PRTFDC1: variants seen among roughly 807,000 people sequenced by gnomAD.
PRTFDC1 encodes the protein phosphoribosyltransferase domain-containing protein 1.
In PRTFDC1, 38 loss-of-function variants were observed where a neutral mutation model predicts 34.6. The ratio of observed to expected loss-of-function variants is 1.10; its 90% CI spans 0.85 to 1.44. The LOEUF (loss-of-function observed/expected upper bound fraction) is 1.44. Among genes scored for constraint, PRTFDC1 ranks in the 40% most tolerant of loss-of-function variants. The pLI, the probability that PRTFDC1 is intolerant of heterozygous loss-of-function variation, is 0.00. For synonymous variants in PRTFDC1, 93 were observed against 98.1 expected, an observed-to-expected ratio of 0.95 and a Z score of 0.31; for missense variants, 270 against 283.0, an observed-to-expected ratio of 0.95 and a Z score of 0.33.
At chr10:24,870,243 G>A (rs145017665) in intron 4 of PRTFDC1, among the ~76,000 whole-genome samples, 2,361 of 152,252 alleles carry the variant, frequency 0.016, 68 homozygotes, top group African/African-American at 0.053. Flanking sequence ...AAGTAGCTGG[G>A]ATTACAGGTG....
At chr10:24,912,179 G>C in intron 3 of PRTFDC1, among the ~76,000 whole-genome samples, 1 of 128,202 alleles carries the variant, frequency 7.8e-6, no homozygotes, top group South Asian at 2.7e-4. Context: ...TGAGGCAGGA[G>C]AATTGCTTGA....
intron 4 of PRTFDC1, among the ~76,000 whole-genome samples, chr10:24,861,221 C>G (rs1847675028): frequency 6.6e-6 from 1 of 152,118 alleles, no homozygotes; most frequent in Non-Finnish European, 1.5e-5. Context: ...TAGATTGAGG[C>G]CAGGCGCCGT....
At chr10:24,939,859 T>C (rs1360798534) in intron 2 of PRTFDC1, among the ~76,000 whole-genome samples, 1 of 146,744 alleles carries the variant, frequency 6.8e-6, no homozygotes, top group Admixed American at 6.8e-5. Context: ...AACAGATAGA[T>C]TAAATGGATG....
At position 24,942,339 on chromosome 10, in the gene PRTFDC1, A is replaced by G; in HGVS notation, c.146T>C (p.Ile49Thr). The G allele has an allele frequency of 6.2e-7, 1 of 1,610,588 alleles. No individual in the cohort carries two copies. The highest frequency in any genetic ancestry group is 8.5e-7 in the Non-Finnish European group (1 of 1,176,710). The change falls in exon 2 of 9, where the codon ATT becomes ACT. Residue 49 changes from isoleucine to threonine, a missense_variant. Transcript: ENST00000320152. Reference protein sequence around the residue: ...LEYVLIPHGIIVDRIERLAKD... With the variant: ...LEYVLIPHGITVDRIERLAKD... ...AGGAAATCACACTCACCTGTCCACA[A>G]TGATACCATGAGGGATGAGGACATA...
At chr10:24,889,316 C>A (rs1458557061) in intron 3 of PRTFDC1, among the ~76,000 whole-genome samples, 1 of 152,024 alleles carries the variant, frequency 6.6e-6, no homozygotes, top group African/African-American at 2.4e-5. Flanking sequence ...TCTGCCAGCG[C>A]CTTGATCTGG....
chr10:24,851,840 A>C (rs577152147), intron 7 of PRTFDC1, among the ~76,000 whole-genome samples: 1 of 151,756 alleles, frequency 6.6e-6, no homozygotes, highest in East Asian at 2.0e-4. Context: ...AACAACACAA[A>C]GGAAAGTTCA....
At chr10:24,876,799 T>C (rs1847973377) in intron 3 of PRTFDC1, among the ~76,000 whole-genome samples, 1 of 152,034 alleles carries the variant, frequency 6.6e-6, no homozygotes, top group African/African-American at 2.4e-5. Flanking sequence ...ACCTCCCACC[T>C]CAGTCTCCCA....
intron 2 of PRTFDC1, among the ~76,000 whole-genome samples, chr10:24,937,590 C>A (rs891422649): frequency 6.9e-6 from 1 of 145,004 alleles, no homozygotes; most frequent in African/African-American, 2.6e-5. Context: ...TGGAGTCTCA[C>A]TCTGTTGCCC....
At chr10:24,859,135 GT>G (rs1297555670) in intron 4 of PRTFDC1, among the ~76,000 whole-genome samples, 1 of 152,284 alleles carries the variant, frequency 6.6e-6, no homozygotes, top group East Asian at 1.9e-4. Context: ...CTCATGAATG[GT>G]TTAGCATCAT....
chr10:24,948,226 C>G (rs767999142), intron 1 of PRTFDC1, among the ~76,000 whole-genome samples: 1 of 152,224 alleles, frequency 6.6e-6, no homozygotes, highest in Non-Finnish European at 1.5e-5. Context: ...CTACCAAACT[C>G]ACTTAGGTAA....
chr10:24,937,759 T>A (rs1416333196), intron 2 of PRTFDC1, among the ~76,000 whole-genome samples: 2 of 151,890 alleles, frequency 1.3e-5, no homozygotes, highest in East Asian at 2.0e-4. Context: ...GGTTTTGCCA[T>A]GTTGGCCAGG....
At chr10:24,859,810 C>T (rs1362974674) in intron 4 of PRTFDC1, among the ~76,000 whole-genome samples, 1 of 152,120 alleles carries the variant, frequency 6.6e-6, no homozygotes, top group Non-Finnish European at 1.5e-5. Flanking sequence ...TGTCTTGATT[C>T]CTACCGCATT....
At chr10:24,877,119 C>T (rs1340379679) in intron 3 of PRTFDC1, among the ~76,000 whole-genome samples, 2 of 152,162 alleles carry the variant, frequency 1.3e-5, no homozygotes, top group Non-Finnish European at 2.9e-5. Context: ...TAGTCCCCTC[C>T]ACAGGCATTT....
At chr10:24,916,537 C>G (rs556753185) in intron 3 of PRTFDC1, among the ~76,000 whole-genome samples, 2 of 152,278 alleles carry the variant, frequency 1.3e-5, no homozygotes, top group African/African-American at 4.8e-5. Flanking sequence ...TGCTTTTCTT[C>G]AAATGTGTCA....
At position 24,886,956 on chromosome 10, in the gene PRTFDC1, C is replaced by CTTTTT. The variant is rs57910963; in HGVS notation, c.340-14898_340-14894dup. Among the ~76,000 whole-genome samples, 459 of 86,366 alleles carry CTTTTT rather than the reference C, an allele frequency of 5.3e-3. 11 individuals carry two copies. The highest frequency in any genetic ancestry group is 6.4e-3 in the Non-Finnish European group (302 of 47,452). 56.7% of individuals were successfully genotyped at this position (86,366 alleles called of 152,430 possible). A position where few individuals can be genotyped will look rare whatever the true frequency, so the allele number is the denominator to read the frequency against. On this transcript the variant is annotated intron_variant, in intron 3 of 8. Coordinates refer to ENST00000320152, the MANE Select transcript of PRTFDC1 (RefSeq NM_020200.7). The stretch of plus-strand genomic sequence containing the variant: ...TCTTTGTATCTTGTTAATACTCCTT[C>CTTTTT]TTTTTTTTTTTTTTTTTTTTTTTTT...
rs529241218 is a variant in PRTFDC1, at chr10:24,860,287, G to A, written c.406-1878C>T. Among the ~76,000 whole-genome samples the A allele has an allele frequency of 3.0e-3, 461 of 152,132 alleles. 5 individuals are homozygous for A. The highest frequency in any genetic ancestry group is 0.011 in the African/African-American group (438 of 41,504). Reference sequence around the variant, plus strand: ...TCCCAGCTACTCAGGAGGCTGAGGCGGGAGAATCACTTGAAACCGGGAGGC... The same window carrying A: ...TCCCAGCTACTCAGGAGGCTGAGGCAGGAGAATCACTTGAAACCGGGAGGC... On this transcript the variant is annotated intron_variant, in intron 4 of 8. Transcript: ENST00000320152.
chr10:24,942,451 A>G lies in PRTFDC1; in HGVS notation c.49-15T>C. 1 of 1,590,762 alleles carries G rather than the reference A, an allele frequency of 6.3e-7. No individual in the cohort carries two copies. The highest frequency in any genetic ancestry group is 1.3e-5 in the African/African-American group (1 of 74,492). ...TCATCCATAATCTGCAAATCAAATT[A>G]TTTTGGTTATGGTATTTTTTCATCA... On this transcript the variant is annotated splice_polypyrimidine_tract_variant and intron_variant, in intron 1 of 8. Coordinates refer to ENST00000320152, the MANE Select transcript of PRTFDC1 (RefSeq NM_020200.7).
Position 24,851,404 on chromosome 10 carries a change from T to C in PRTFDC1, c.614A>G (p.Tyr205Cys). 1.2e-6 allele frequency: 2 copies of C among 1,611,982 alleles called. No individual in the cohort carries two copies. Among genetic ancestry groups the C allele is most frequent in the Non-Finnish European group, 8.5e-7 (1 of 1,179,548 alleles). Residue 205 changes from tyrosine (Y) to cysteine (C), a missense_variant, in exon 8 of 9, where the codon TAC (tyrosine) becomes TGC (cysteine). By Grantham distance (194) the Tyr-to-Cys change is radical (BLOSUM62 -2). Coordinates refer to ENST00000320152, the MANE Select transcript of PRTFDC1 (RefSeq NM_020200.7). ...AAGACTTACATTCAGATCTCTGAAG[T>C]ATTCATTGTAATCTAAGGCATATCC... Reference protein sequence around the residue: ...VVGYALDYNEYFRDLNHICVI... With the variant: ...VVGYALDYNECFRDLNHICVI...
intron 3 of PRTFDC1, among the ~76,000 whole-genome samples, chr10:24,933,011 G>A (rs1012080267): frequency 6.6e-6 from 1 of 151,868 alleles, no homozygotes; most frequent in East Asian, 1.9e-4. Flanking sequence ...CCATGGAAAA[G>A]GATCATCTTT....
Sources: allele counts gnomAD v4.1 joint callset (sites outside exome capture counted in the v4.1 genomes callset), GRCh38; gene constraint gnomAD v4.1.1; transcripts MANE v1.5; gene names NCBI Gene and HGNC (gene_info 2026-07-23, HGNC 2026-07-21).